YTHDC2: variants seen among roughly 807,000 people sequenced by gnomAD.
YTHDC2 encodes 3'-5' RNA helicase YTHDC2.
In YTHDC2, 45 loss-of-function variants were observed where a neutral mutation model predicts 174.9. The ratio of observed to expected loss-of-function variants is 0.26; its 90% CI spans 0.20 to 0.33. The LOEUF (loss-of-function observed/expected upper bound fraction) is 0.33, where lower values mean the gene tolerates loss of function less well. YTHDC2 is among the 10% of genes least tolerant of loss of function. The probability of loss-of-function intolerance (pLI) is 1.00; values close to 1 mark genes in which losing one functional copy is unlikely to be tolerated. For missense variants in YTHDC2, 1,650 were observed against 1,723.7 expected, an observed-to-expected ratio of 0.96 and a Z score of 0.76; for synonymous variants, 657 against 574.5, an observed-to-expected ratio of 1.14 and a Z score of -2.05.
intron 10 of YTHDC2, among the ~76,000 whole-genome samples, chr5:113,545,264 C>T (rs1347932780): frequency 1.3e-5 from 2 of 152,086 alleles, no homozygotes; most frequent in African/African-American, 2.4e-5. Flanking sequence ...AGTCTAACTT[C>T]TTAAAAAATA....
rs1208655674 is a variant in YTHDC2, at chr5:113,523,411, A to G, written c.279-1570A>G. 3.3e-5 allele frequency among the ~76,000 whole-genome samples: 5 copies of G among 152,108 alleles called. No individual in the cohort carries two copies. The East Asian group carries it at 7.7e-4, about 23-fold the overall frequency. Reference sequence around the variant, plus strand: ...TCACTTCCTGCCTTTTGTAGTTAAAATTTTATGAAATGAACATCACAGAAG... The same window carrying G: ...TCACTTCCTGCCTTTTGTAGTTAAAGTTTTATGAAATGAACATCACAGAAG... On this transcript the variant is annotated intron_variant, in intron 2 of 29. Transcript: ENST00000161863.
chr5:113,530,770 A>G (rs1032408732), intron 4 of YTHDC2, among the ~76,000 whole-genome samples: 7 of 151,828 alleles, frequency 4.6e-5, no homozygotes, highest in African/African-American at 2.4e-5. Flanking sequence ...TTCCTTCTTT[A>G]GTGTTCTTTC....
chr5:113,576,451 A>G (rs1215743620), intron 23 of YTHDC2, among the ~76,000 whole-genome samples: 1 of 152,150 alleles, frequency 6.6e-6, no homozygotes, highest in African/African-American at 2.4e-5. Context: ...AATTCATTTA[A>G]TATTTTCTTC....
In YTHDC2 at chr5:113,553,840, G is replaced by C; in HGVS notation, c.2038G>C (p.Gly680Arg). The part of the protein sequence containing the change: ...QKKVLKNPPA[G>R]VRKIILSTNI... The stretch of plus-strand genomic sequence containing the variant: ...GAAAGTATTAAAAAACCCACCTGCA[G>C]GTGTTCGAAAAATAGTAAGCTTCAT... The change falls in exon 15 of 30, where the codon GGT becomes CGT. Residue 680 changes from glycine (G) to arginine (R), a missense_variant. By Grantham distance (125) the Gly-to-Arg change is moderately radical. Transcript: ENST00000161863. The C allele has an allele frequency of 1.2e-6, 2 of 1,607,682 alleles. No individual in the cohort carries two copies. The highest frequency in any genetic ancestry group is 1.7e-6 in the Non-Finnish European group (2 of 1,178,308).
In YTHDC2 at chr5:113,578,275, A is replaced by G. The variant is rs1778191525; in HGVS notation, c.3245-1311A>G. The stretch of plus-strand genomic sequence containing the variant: ...TGGTGCAGTAGTCATAGCTCACTGT[A>G]ACCCTGAACTCCAAGGCTCAAGTGA... On this transcript the variant is annotated intron_variant, in intron 23 of 29. Transcript: ENST00000161863. 2.0e-5 allele frequency among the ~76,000 whole-genome samples: 3 copies of G among 152,110 alleles called. 1 individual carries two copies. The South Asian group carries it at 6.2e-4, about 32-fold the overall frequency.
rs765753912 is a variant in YTHDC2, at chr5:113,532,952, G to A, written c.749G>A (p.Arg250Gln). 2 of 1,614,164 alleles carry A rather than the reference G, an allele frequency of 1.2e-6. No homozygotes were observed. Among genetic ancestry groups the A allele is most frequent in the South Asian group, 1.1e-5 (1 of 91,082 alleles). The change falls in exon 5 of 30, where the codon CGA becomes CAA. Residue 250 changes from arginine (R) to glutamine (Q), a missense_variant. By Grantham distance (43) the Arg-to-Gln change is conservative. Around this residue, in one of 5 missense-constraint regions of YTHDC2, gnomAD observed 304 missense variants for 341.4 expected, o/e 0.89. Coordinates refer to ENST00000161863, the MANE Select transcript of YTHDC2 (RefSeq NM_022828.5). ...CGTATATTTTGTACTCAACCAAGACGATTGGCAGCTATCGCTGTGGCTGAA... is the reference window on the plus strand; with the variant it reads ...CGTATATTTTGTACTCAACCAAGACAATTGGCAGCTATCGCTGTGGCTGAA... ...PCRIFCTQPR[R>Q]LAAIAVAERV...
chr5:113,584,456 C>G lies in YTHDC2; in HGVS notation c.3802C>G (p.Pro1268Ala). 2 of 1,612,294 alleles carry G rather than the reference C, an allele frequency of 1.2e-6. No homozygotes were observed. Among genetic ancestry groups the G allele is most frequent in the Non-Finnish European group, 1.7e-6 (2 of 1,179,060 alleles). Residue 1268 changes from proline to alanine, a missense_variant, in exon 26 of 30, where the codon CCT becomes GCT. Coordinates refer to ENST00000161863, the MANE Select transcript of YTHDC2 (RefSeq NM_022828.5). ...TAGTTACCCAAGTCCTTGTGCTAGT[C>G]CTTCTCCTCCATCCTCAGGAAAGGT... ...SSSYPSPCAS[P>A]SPPSSGKGSK...
At chr5:113,518,267 C>T (rs1164753609) in intron 2 of YTHDC2, among the ~76,000 whole-genome samples, 6 of 149,102 alleles carry the variant, frequency 4.0e-5, no homozygotes, top group Non-Finnish European at 4.4e-5. Flanking sequence ...GATGACGGCT[C>T]GCTGCTCACT....
chr5:113,574,701 C>T (rs540678353), intron 23 of YTHDC2, among the ~76,000 whole-genome samples: 1 of 152,290 alleles, frequency 6.6e-6, no homozygotes, highest in Admixed American at 6.5e-5. Context: ...AAGTGGATCC[C>T]ACAGAATGAT....
intron 10 of YTHDC2, among the ~76,000 whole-genome samples, chr5:113,544,905 C>T (rs1013337069): frequency 6.6e-6 from 1 of 151,920 alleles, no homozygotes; most frequent in Non-Finnish European, 1.5e-5. Context: ...TTCAGCCAAC[C>T]CCATTGTCAT....
At chr5:113,531,667 G>A (rs1360116739) in intron 4 of YTHDC2, among the ~76,000 whole-genome samples, 2 of 151,280 alleles carry the variant, frequency 1.3e-5, no homozygotes, top group East Asian at 3.9e-4. Flanking sequence ...CATCCTGACC[G>A]AGCCCCCACA....
intron 20 of YTHDC2, chr5:113,565,603 A>G: frequency 4.6e-6 from 1 of 216,804 alleles, no homozygotes; most frequent in African/African-American, 2.3e-5. Flanking sequence ...TTTTGTAGAG[A>G]GTAAAATTAG....
In YTHDC2 at chr5:113,563,898, C is replaced by G. The variant is rs1226379900; in HGVS notation, c.2482C>G (p.Leu828Val). 1 of 1,614,166 alleles carries G rather than the reference C, an allele frequency of 6.2e-7. No homozygotes were observed. Among genetic ancestry groups the G allele is most frequent in the Non-Finnish European group, 8.5e-7 (1 of 1,180,008 alleles). The change falls in exon 20 of 30, where the codon CTT becomes GTT. Residue 828 changes from leucine (L) to valine (V), a missense_variant. This residue lies in a region of YTHDC2 where 913 missense variants were observed against 940.4 expected (regional missense o/e 0.97). Coordinates refer to ENST00000161863, the MANE Select transcript of YTHDC2 (RefSeq NM_022828.5). ...GGATACATGGGAAGATCTGACTGAA[C>G]TTGGGTATCATTTGGCTGACTTGCC... is the stretch of plus-strand genomic sequence containing the variant. ...AMDTWEDLTE[L>V]GYHLADLPVE...
Position 113,567,288 on chromosome 5 carries a change from A to G in YTHDC2, c.3039A>G (p.Gln1013=), listed in dbSNP as rs1240634162. ...CTGCTTCAGTTCTCAGTCAGCCTCA[A>G]TATAAAAAGGTAAAAGATTTTGAAT... The part of the protein sequence containing the change: ...FHPASVLSQP[Q]YKKIPPANGQ... The change falls in exon 22 of 30, where the codon CAA becomes CAG. Residue 1013 remains glutamine (Q), a synonymous_variant. Coordinates refer to ENST00000161863, the MANE Select transcript of YTHDC2 (RefSeq NM_022828.5). 3 of 1,608,100 alleles carry G rather than the reference A, an allele frequency of 1.9e-6. No individual in the cohort carries two copies. The highest frequency in any genetic ancestry group is 2.7e-5 in the African/African-American group (2 of 74,598).
intron 1 of YTHDC2, 66 bp from the exon 2 acceptor site, chr5:113,515,206 G>T: frequency 1.7e-6 from 2 of 1,143,966 alleles, no homozygotes; most frequent in Non-Finnish European, 1.3e-6. Flanking sequence ...TTTTGTATCT[G>T]TGTGTTTTAC....
At chr5:113,527,007 C>G (rs1396375169) in intron 4 of YTHDC2, among the ~76,000 whole-genome samples, 1 of 151,796 alleles carries the variant, frequency 6.6e-6, no homozygotes, top group African/African-American at 2.4e-5. Flanking sequence ...AAATAATTTA[C>G]TTATTTTTAA....
At chr5:113,541,855 A>G (rs1363233525) in intron 9 of YTHDC2, among the ~76,000 whole-genome samples, 1 of 152,128 alleles carries the variant, frequency 6.6e-6, no homozygotes, top group African/African-American at 2.4e-5. Flanking sequence ...AACATATAGT[A>G]TAGACTTATT....
intron 4 of YTHDC2, among the ~76,000 whole-genome samples, chr5:113,531,542 C>A (rs1185438581): frequency 6.6e-6 from 1 of 152,024 alleles, no homozygotes; most frequent in Non-Finnish European, 1.5e-5. Flanking sequence ...TCCTCTGTGT[C>A]TACGAGCTCA....
chr5:113,592,286 A>G (rs1486912301), intron 28 of YTHDC2, 108 bp downstream of exon 28: 6 of 1,128,808 alleles, frequency 5.3e-6, no homozygotes, highest in African/African-American at 4.9e-5. Flanking sequence ...TATATTCCAT[A>G]TGCACATGGG....
Sources: gnomAD v4.1 joint callset for allele counts (sites outside exome capture counted in the v4.1 genomes callset) on GRCh38, gnomAD v4.1.1 for gene constraint, gnomAD v4.1.1 regional missense constraint, MANE v1.5 for transcripts, NCBI Gene and HGNC (gene_info 2026-07-23, HGNC 2026-07-21) for gene names.